The following ZBTB44 variants were observed in gnomAD, a reference collection of about 807,000 sequenced individuals.
ZBTB44 encodes zinc finger and BTB domain-containing protein 44.
Under a neutral mutation model 54.0 loss-of-function variants are expected in ZBTB44, and 15 were observed. The observed-to-expected ratio is 0.28, with a 90% CI of 0.19 to 0.43. ZBTB44 has a LOEUF of 0.43. Among genes scored for constraint, ZBTB44 ranks in the 20% least tolerant of loss-of-function variants. The pLI, the probability that ZBTB44 is intolerant of heterozygous loss-of-function variation, is 1.00. For missense variants in ZBTB44, 487 were observed against 707.1 expected, an observed-to-expected ratio of 0.69 and a Z score of 3.53; for synonymous variants, 230 against 250.1, an observed-to-expected ratio of 0.92 and a Z score of 0.76.
At chr11:130,248,249 A>G (rs1937691457) in intron 2 of ZBTB44, among the ~76,000 whole-genome samples, 1 of 152,188 alleles carries the variant, frequency 6.6e-6, no homozygotes, top group Non-Finnish European at 1.5e-5. Context: ...TCAATACCGC[A>G]AGGAATTTTC....
At chr11:130,275,847 C>T (rs1468873229) in intron 1 of ZBTB44, among the ~76,000 whole-genome samples, 4 of 151,938 alleles carry the variant, frequency 2.6e-5, no homozygotes, top group Non-Finnish European at 5.9e-5. Flanking sequence ...AGGATGGTCT[C>T]GATCTCTTGG....
intron 1 of ZBTB44, among the ~76,000 whole-genome samples, chr11:130,262,881 A>C (rs113412719): frequency 0.041 from 6,213 of 152,244 alleles, 307 homozygotes; most frequent in African/African-American, 0.12. Context: ...AACATGGCAA[A>C]ACCCTGTCTC....
chr11:130,267,574 T>A (rs528516415), intron 1 of ZBTB44, among the ~76,000 whole-genome samples: 75 of 152,050 alleles, frequency 4.9e-4, no homozygotes, highest in African/African-American at 1.7e-3. Context: ...CTGGCTAATT[T>A]TTAAATTTTT....
At chr11:130,246,696 G>C (rs1954662122) in intron 2 of ZBTB44, among the ~76,000 whole-genome samples, 1 of 152,090 alleles carries the variant, frequency 6.6e-6, no homozygotes. Flanking sequence ...GTTCTAAAAG[G>C]TTTTCAATAT....
chr11:130,285,524 T>C (rs1940896790), intron 1 of ZBTB44: 1 of 205,142 alleles, frequency 4.9e-6, no homozygotes, highest in African/African-American at 2.3e-5. Context: ...ACTCCTGACC[T>C]CAGGTGATCT....
chr11:130,253,881 T>C (rs1012678680), intron 2 of ZBTB44, among the ~76,000 whole-genome samples: 2 of 152,126 alleles, frequency 1.3e-5, no homozygotes, highest in African/African-American at 4.8e-5. Flanking sequence ...TATAGACCAA[T>C]GGACCAGAAC....
At chr11:130,289,364 T>A (rs1229014749) in intron 1 of ZBTB44, among the ~76,000 whole-genome samples, 1 of 151,188 alleles carries the variant, frequency 6.6e-6, no homozygotes, top group Non-Finnish European at 1.5e-5. Context: ...ATGCCTGTAA[T>A]CCCAGCTACT....
At position 130,231,468 on chromosome 11, in the gene ZBTB44, A is replaced by G. The variant is rs1049165895; in HGVS notation, c.*296T>C. On this transcript the variant is annotated 3_prime_UTR_variant, in exon 8 of 8. Coordinates refer to ENST00000357899, the MANE Select transcript of ZBTB44 (RefSeq NM_001301098.2). The stretch of plus-strand genomic sequence containing the variant: ...CAATGTGTATTACCAGTGAAAATCT[A>G]AAGTTTCTACTTGGGAAGGAATACC... The G allele has an allele frequency of 1.3e-5, 2 of 152,128 alleles. No individual in the cohort carries two copies. Among genetic ancestry groups the G allele is most frequent in the African/African-American group, 2.4e-5 (1 of 41,438 alleles). 9.4% of individuals were successfully genotyped at this position (152,128 alleles called of 1,614,324 possible).
chr11:130,243,372 A>G (rs1265471333), intron 2 of ZBTB44, among the ~76,000 whole-genome samples: 1 of 152,202 alleles, frequency 6.6e-6, no homozygotes, highest in Non-Finnish European at 1.5e-5. Flanking sequence ...CCTTTTCCAG[A>G]GAAGTTTTAT....
In ZBTB44 at chr11:130,239,893, G is replaced by A; in HGVS notation, c.1022C>T (p.Ser341Leu). 6.2e-7 allele frequency: 1 copy of A among 1,609,540 alleles called. No homozygotes were observed. Among genetic ancestry groups the A allele is most frequent in the Non-Finnish European group, 8.5e-7 (1 of 1,177,582 alleles). The change falls in exon 3 of 8, where the codon TCA becomes TTA. Residue 341 changes from serine to leucine, a missense_variant. Coordinates refer to ENST00000357899, the MANE Select transcript of ZBTB44 (RefSeq NM_001301098.2). The stretch of plus-strand genomic sequence containing the variant: ...GCCCTCAGAAACGCCTTCATCTACT[G>A]AGCCTGTGAATAAGAGAAAGAGGAC... The part of the protein sequence containing the change: ...LISPQSSSIG[S>L]VDEGVSEGLP...
intron 2 of ZBTB44, 40 bp from the exon 3 acceptor site, chr11:130,239,936 G>A: frequency 1.4e-6 from 2 of 1,462,046 alleles, no homozygotes; most frequent in Non-Finnish European, 1.9e-6. Flanking sequence ...ATCCTTTGGT[G>A]TGAATAAGCC....
At chr11:130,303,644 C>G (rs926649707) in intron 1 of ZBTB44, among the ~76,000 whole-genome samples, 1 of 151,878 alleles carries the variant, frequency 6.6e-6, no homozygotes, top group Admixed American at 6.6e-5. Context: ...TCAAAAAAAC[C>G]AAAACCAAAA....
At chr11:130,242,925 T>C (rs1034951253) in intron 2 of ZBTB44, among the ~76,000 whole-genome samples, 6 of 152,218 alleles carry the variant, frequency 3.9e-5, no homozygotes, top group Admixed American at 1.3e-4. Context: ...CACCACTGTG[T>C]CTCTCTCTGT....
At chr11:130,295,643 G>T in intron 1 of ZBTB44, 3 of 975,808 alleles carry the variant, frequency 3.1e-6, no homozygotes, top group Non-Finnish European at 4.7e-6. Context: ...AAAAAAAAAT[G>T]GGTTTTACCA....
At chr11:130,310,204 T>C (rs926876796) in intron 1 of ZBTB44, 2 of 152,296 alleles carry the variant, frequency 1.3e-5, no homozygotes, top group Non-Finnish European at 2.9e-5. Flanking sequence ...TGTGTGCCTG[T>C]AGTCCCAGCT....
In ZBTB44 at chr11:130,268,875, C is replaced by G. The variant is rs149785342; in HGVS notation, c.-56-6946G>C. Among the ~76,000 whole-genome samples, 3 of 151,098 alleles carry G rather than the reference C, an allele frequency of 2.0e-5. 1 individual carries two copies. The South Asian group carries it at 6.3e-4, about 32-fold the overall frequency. On this transcript the variant is annotated intron_variant, in intron 1 of 7. Coordinates refer to ENST00000357899, the MANE Select transcript of ZBTB44 (RefSeq NM_001301098.2). The stretch of plus-strand genomic sequence containing the variant: ...GATTACAGGTGTGAGCCATCACGCT[C>G]GGCCTCAAATTTTAAGAGAGAGAGA...
chr11:130,285,631 G>C, intron 1 of ZBTB44: 1 of 252,776 alleles, frequency 4.0e-6, no homozygotes, highest in Non-Finnish European at 8.0e-6. Context: ...CATTCTGTTG[G>C]AATATCCCCT....
chr11:130,248,797 T>A (rs551999119), intron 2 of ZBTB44, among the ~76,000 whole-genome samples: 1 of 152,064 alleles, frequency 6.6e-6, no homozygotes, highest in African/African-American at 2.4e-5. Flanking sequence ...GTTCTACTTA[T>A]TAACTTGTTA....
intron 2 of ZBTB44, among the ~76,000 whole-genome samples, chr11:130,254,776 G>A (rs539437249): frequency 2.0e-4 from 31 of 152,064 alleles, no homozygotes; most frequent in Non-Finnish European, 4.0e-4. Flanking sequence ...ACGTGCACAC[G>A]TATGTTTATT....
Sources: gnomAD v4.1 joint callset for allele counts (sites outside exome capture counted in the v4.1 genomes callset) on GRCh38, gnomAD v4.1.1 for gene constraint, MANE v1.5 for transcripts, NCBI Gene and HGNC (gene_info 2026-07-23, HGNC 2026-07-21) for gene names.